KIAA1671: variants seen among roughly 807,000 people sequenced by gnomAD.
KIAA1671 encodes the protein uncharacterized protein KIAA1671.
Under a neutral mutation model 131.2 loss-of-function variants are expected in KIAA1671, and 52 were observed. That is an observed-to-expected ratio of 0.40 (90% CI 0.32 to 0.50). KIAA1671 has a LOEUF of 0.50. Ranked by LOEUF, KIAA1671 falls within the 20% of genes least tolerant of loss-of-function variation. The pLI, the probability that KIAA1671 is intolerant of heterozygous loss-of-function variation, is 0.73. For missense variants in KIAA1671, 2,360 were observed against 2,364.2 expected, an observed-to-expected ratio of 1.00 and a Z score of 0.04; for synonymous variants, 1,003 against 961.6, an observed-to-expected ratio of 1.04 and a Z score of -0.80.
At chr22:24,986,052 A>C (rs866783754) in intron 1 of KIAA1671, among the ~76,000 whole-genome samples, 3 of 152,138 alleles carry the variant, frequency 2.0e-5, no homozygotes, top group South Asian at 4.1e-4. Flanking sequence ...CCCGGATCTG[A>C]ACATGGGTTT....
chr22:25,047,050 G>T (rs532910567), intron 5 of KIAA1671, among the ~76,000 whole-genome samples: 1 of 150,584 alleles, frequency 6.6e-6, no homozygotes, highest in Non-Finnish European at 1.5e-5. Context: ...GGCTCACTGC[G>T]GCCTCAACCT....
chr22:25,127,016 G>A (rs1783960446), intron 6 of KIAA1671, among the ~76,000 whole-genome samples: 1 of 152,134 alleles, frequency 6.6e-6, no homozygotes, highest in African/African-American at 2.4e-5. Flanking sequence ...GTTTTTTAGA[G>A]GTTGTGGTGT....
intron 6 of KIAA1671, chr22:25,061,345 C>T (rs1928149758): frequency 6.6e-6 from 1 of 152,196 alleles, no homozygotes; most frequent in Non-Finnish European, 1.5e-5. Flanking sequence ...AGAAGCCCTC[C>T]TGGGTTGCAC....
intron 6 of KIAA1671, among the ~76,000 whole-genome samples, chr22:25,075,094 G>A (rs985472325): frequency 1.3e-5 from 2 of 152,156 alleles, no homozygotes; most frequent in African/African-American, 2.4e-5. Context: ...GTTAACATTG[G>A]TGCATTACTG....
At chr22:24,954,649 T>C (rs1300206358) in intron 1 of KIAA1671, among the ~76,000 whole-genome samples, 1 of 152,212 alleles carries the variant, frequency 6.6e-6, no homozygotes, top group Admixed American at 6.5e-5. Context: ...AGCAGTCGGC[T>C]TGCCCTGCAG....
At chr22:25,006,969 A>T (rs1924780583) in intron 1 of KIAA1671, among the ~76,000 whole-genome samples, 1 of 152,190 alleles carries the variant, frequency 6.6e-6, no homozygotes, top group East Asian at 1.9e-4. Context: ...TTTCGGGATT[A>T]GGACCTGGAC....
intron 9 of KIAA1671, among the ~76,000 whole-genome samples, chr22:25,180,225 A>G (rs1193453757): frequency 1.3e-5 from 2 of 152,234 alleles, no homozygotes; most frequent in African/African-American, 4.8e-5. Flanking sequence ...TCGTCTGTAG[A>G]TGGAGAGCCA....
At chr22:25,063,222 G>GT (rs1466279105) in intron 6 of KIAA1671, 1 of 152,136 alleles carries the variant, frequency 6.6e-6, no homozygotes, top group Non-Finnish European at 1.5e-5. Flanking sequence ...GCCCGGGTTT[G>GT]TTTTTAAGTT....
At chr22:24,970,556 T>G (rs934123898) in intron 1 of KIAA1671, among the ~76,000 whole-genome samples, 6 of 152,108 alleles carry the variant, frequency 3.9e-5, no homozygotes, top group Non-Finnish European at 5.9e-5. Flanking sequence ...GCCTTTATCA[T>G]GTAAAGGCTC....
intron 1 of KIAA1671, among the ~76,000 whole-genome samples, chr22:24,978,296 T>A (rs1923021059): frequency 6.6e-6 from 1 of 152,174 alleles, no homozygotes; most frequent in Admixed American, 6.5e-5. Flanking sequence ...TGTTTCTGCT[T>A]TTGCCTCTTC....
At chr22:25,165,470 G>A (rs1933614453) in intron 6 of KIAA1671, among the ~76,000 whole-genome samples, 1 of 152,208 alleles carries the variant, frequency 6.6e-6, no homozygotes, top group African/African-American at 2.4e-5. Flanking sequence ...TTCTACAGCA[G>A]TGCTGTACAC....
intron 1 of KIAA1671, among the ~76,000 whole-genome samples, chr22:25,019,182 T>A (rs1010754965): frequency 4.6e-5 from 7 of 152,046 alleles, no homozygotes; most frequent in Non-Finnish European, 8.8e-5. Context: ...TAAGCCCATG[T>A]GGATTTTGGT....
intron 6 of KIAA1671, among the ~76,000 whole-genome samples, chr22:25,140,468 C>T (rs1480450850): frequency 2.0e-5 from 3 of 152,154 alleles, no homozygotes; most frequent in Non-Finnish European, 2.9e-5. Context: ...CTCCGCCTCC[C>T]AGGTTCATGC....
chr22:25,133,645 C>T (rs545645792), intron 6 of KIAA1671, among the ~76,000 whole-genome samples: 38 of 152,228 alleles, frequency 2.5e-4, no homozygotes, highest in African/African-American at 8.7e-4. Context: ...TGGGCTTGGG[C>T]GACCCTCCTG....
At chr22:25,035,036 CTTTT>C (rs143999685) in intron 4 of KIAA1671, among the ~76,000 whole-genome samples, 3 of 117,560 alleles carry the variant, frequency 2.6e-5, no homozygotes, top group Non-Finnish European at 5.1e-5. Flanking sequence ...TGCGCCTGGC[CTTTT>C]TTTTTTTTTT....
Position 25,028,866 on chromosome 22 carries a change from C to G in KIAA1671, c.867C>G (p.Ala289=), listed in dbSNP as rs1177690819. 1.1e-5 allele frequency: 17 copies of G among 1,550,936 alleles called. No homozygotes were observed. The Admixed American group carries it at 3.3e-4, about 30-fold the overall frequency. ...KPRPLSMDLT[A]RFENKEALLR... ...GGCCCTTGTCCATGGACCTCACGGC[C>G]CGGTTTGAGAACAAAGAGGCCTTGC... Residue 289 remains alanine (A), a synonymous_variant, in exon 3 of 13, where the codon GCC becomes GCG. Transcript: ENST00000358431.
chr22:25,154,842 G>C lies in KIAA1671; in HGVS notation c.4531-15978G>C, dbSNP rs933634614. Among the ~76,000 whole-genome samples the C allele has an allele frequency of 2.6e-5, 4 of 152,232 alleles. No homozygotes were observed. The East Asian group carries it at 7.7e-4, about 29-fold the overall frequency. ...AGCTCTGCCAGGCCAGCCATGCAAGGCTGCTCTGCAGGGCAGATGAGAGGG... is the reference window on the plus strand; with the variant it reads ...AGCTCTGCCAGGCCAGCCATGCAAGCCTGCTCTGCAGGGCAGATGAGAGGG... On this transcript the variant is annotated intron_variant, in intron 6 of 12. Transcript: ENST00000358431.
At chr22:25,086,140 A>C (rs1247287185) in intron 6 of KIAA1671, among the ~76,000 whole-genome samples, 1 of 152,250 alleles carries the variant, frequency 6.6e-6, no homozygotes, top group African/African-American at 2.4e-5. Flanking sequence ...AGTGCTCATT[A>C]ATCATTTACA....
intron 1 of KIAA1671, among the ~76,000 whole-genome samples, chr22:24,956,871 CA>C (rs60921102): frequency 1.6e-3 from 166 of 103,082 alleles, no homozygotes; most frequent in Admixed American, 2.5e-3. Flanking sequence ...GACTCTGTCT[CA>C]AAAAAAAAAA....
Sources: gnomAD v4.1 joint callset for allele counts (sites outside exome capture counted in the v4.1 genomes callset) on GRCh38, gnomAD v4.1.1 for gene constraint, MANE v1.5 for transcripts, NCBI Gene and HGNC (gene_info 2026-07-23, HGNC 2026-07-21) for gene names.